The following CLCN6 variants were observed in gnomAD, a reference collection of about 807,000 sequenced individuals.
CLCN6 encodes Cl-/H+ antiporter 6.
Under a neutral mutation model 109.8 loss-of-function variants are expected in CLCN6, and 70 were observed. That is an observed-to-expected ratio of 0.64 (90% CI 0.53 to 0.78). The LOEUF is 0.78. Among genes scored for constraint, CLCN6 ranks in the 30% least tolerant of loss-of-function variants. The pLI, the probability that CLCN6 is intolerant of heterozygous loss-of-function variation, is 0.00. For synonymous variants in CLCN6, 444 were observed against 447.8 expected, an observed-to-expected ratio of 0.99 and a Z score of 0.11; for missense variants, 984 against 1,142.3, an observed-to-expected ratio of 0.86 and a Z score of 2.00.
At chr1:11,825,880 C>T (rs750654125) in intron 8 of CLCN6, among the ~76,000 whole-genome samples, 5 of 152,242 alleles carry the variant, frequency 3.3e-5, no homozygotes, top group Admixed American at 1.3e-4. Context: ...TCCGCCTCGG[C>T]CTCCCAAAGT....
rs1291176475 is a variant in CLCN6 at position 11,841,541 on chromosome 1, C to G, written c.*1318C>G. 2 of 152,276 alleles carry G rather than the reference C, an allele frequency of 1.3e-5. No homozygotes were observed. Among genetic ancestry groups the G allele is most frequent in the Non-Finnish European group, 2.9e-5 (2 of 68,060 alleles). The allele number at this position is 152,276 out of a possible 1,614,324, so 9.4% of individuals were successfully genotyped here. A position where few individuals can be genotyped will look rare whatever the true frequency, so the allele number is the denominator to read the frequency against. Reference sequence around the variant, plus strand: ...CCCACCTTCTACATGGTATTAGTCCCAGCAGGCATCCCTGGGGCAGACGTG... The same window carrying G: ...CCCACCTTCTACATGGTATTAGTCCGAGCAGGCATCCCTGGGGCAGACGTG... On this transcript the variant is annotated 3_prime_UTR_variant, in exon 23 of 23. Coordinates refer to ENST00000346436, the MANE Select transcript of CLCN6 (RefSeq NM_001286.5).
Position 11,828,172 on chromosome 1 carries a change from T to C in CLCN6, c.907T>C (p.Trp303Arg). ...CCGTTCTGGGATTCAGTTTGGAAGC[T>C]GGGGTTCCTTCCAGCTCCCTGGATT... ...FFRSGIQFGS[W>R]GSFQLPGLLN... The change falls in exon 11 of 23, where the codon TGG (tryptophan) becomes CGG (arginine). Residue 303 changes from tryptophan (W) to arginine (R), a missense_variant. Coordinates refer to ENST00000346436, the MANE Select transcript of CLCN6 (RefSeq NM_001286.5). 2 of 1,614,242 alleles carry C rather than the reference T, an allele frequency of 1.2e-6. No homozygotes were observed. The highest frequency in any genetic ancestry group is 1.7e-6 in the Non-Finnish European group (2 of 1,180,034).
Position 11,837,167 on chromosome 1 carries a change from G to C in CLCN6, c.2138+11G>C, listed in dbSNP as rs1644960922. On this transcript the variant is annotated intron_variant, in intron 19 of 22. Coordinates refer to ENST00000346436, the MANE Select transcript of CLCN6 (RefSeq NM_001286.5). ...GATGCTGGAAAGGAGGTGAGAGCCT[G>C]GCGGGGCCCCCACTGCCCGCAGGGC... 6.2e-7 allele frequency: 1 copy of C among 1,611,286 alleles called. No homozygotes were observed. The highest frequency in any genetic ancestry group is 1.3e-5 in the African/African-American group (1 of 74,914).
intron 2 of CLCN6, 21 bp from the exon 3 acceptor site, chr1:11,815,825 C>A: frequency 6.2e-7 from 1 of 1,608,956 alleles, no homozygotes; most frequent in Non-Finnish European, 8.5e-7. Flanking sequence ...GACCTTTTGA[C>A]TCAACTTTGC....
rs773792256 is a variant in CLCN6 at position 11,837,117 on chromosome 1, C to G, written c.2099C>G (p.Ala700Gly). ...CDEHIASEEP[A>G]EKEDLLQQML... ...GAGCACATCGCCTCTGAGGAGCCAG[C>G]CGAGAAGGAGGACCTCCTGCAGCAG... The change falls in exon 19 of 23, where the codon GCC becomes GGC. Residue 700 changes from alanine to glycine, a missense_variant. Coordinates refer to ENST00000346436, the MANE Select transcript of CLCN6 (RefSeq NM_001286.5). 2 of 1,613,172 alleles carry G rather than the reference C, an allele frequency of 1.2e-6. No individual in the cohort carries two copies. Among genetic ancestry groups the G allele is most frequent in the East Asian group, 4.5e-5 (2 of 44,882 alleles).
intron 9 of CLCN6, 130 bp downstream of exon 9, chr1:11,826,344 C>G (rs561744608): frequency 1.4e-6 from 1 of 722,644 alleles, no homozygotes; most frequent in South Asian, 1.7e-5. Context: ...AGGGGGCGGG[C>G]TTTGAACTTT....
chr1:11,828,065 C>A, intron 10 of CLCN6, 41 bp from the exon 11 acceptor site: 1 of 1,445,562 alleles, frequency 6.9e-7, no homozygotes, highest in Non-Finnish European at 9.7e-7. Flanking sequence ...GTAGGACATG[C>A]CACTCCTGAA....
At chr1:11,837,305 G>A (rs966680065) in intron 19 of CLCN6, 38 bp from the exon 20 acceptor site, 2 of 1,598,766 alleles carry the variant, frequency 1.3e-6, no homozygotes, top group Non-Finnish European at 1.7e-6. Context: ...CGCTCCCGCT[G>A]AGGGTATCCC....
At chr1:11,816,056 T>C (rs1003444599) in intron 3 of CLCN6, 145 bp downstream of exon 3, 13 of 632,084 alleles carry the variant, frequency 2.1e-5, no homozygotes, top group African/African-American at 7.5e-5. Context: ...CTTTATGCGC[T>C]TTGCTTTATT....
intron 6 of CLCN6, among the ~76,000 whole-genome samples, chr1:11,823,119 C>G (rs1484156499): frequency 6.6e-6 from 1 of 152,192 alleles, no homozygotes; most frequent in Non-Finnish European, 1.5e-5. Context: ...CAGCATCATG[C>G]AATATACCCT....
chr1:11,833,842 C>T (rs777452754), intron 14 of CLCN6, 35 bp from the exon 15 acceptor site: 14 of 1,592,630 alleles, frequency 8.8e-6, no homozygotes, highest in African/African-American at 5.4e-5. Context: ...GGCAGGCATC[C>T]GGTAGTGGGA....
intron 2 of CLCN6, among the ~76,000 whole-genome samples, chr1:11,812,817 C>T (rs1440854000): frequency 6.6e-6 from 1 of 152,034 alleles, no homozygotes; most frequent in Admixed American, 6.6e-5. Context: ...AGGCTCTTCT[C>T]TGCCGTTCCC....
At chr1:11,836,480 TAA>T (rs1299021317) in intron 18 of CLCN6, among the ~76,000 whole-genome samples, 1 of 152,038 alleles carries the variant, frequency 6.6e-6, no homozygotes, top group Non-Finnish European at 1.5e-5. Flanking sequence ...TCGACCTCCT[TAA>T]GAAAGAGAAA....
At position 11,834,164 on chromosome 1, in the gene CLCN6, A is replaced by T; in HGVS notation, c.1527-72A>T. The T allele has an allele frequency of 6.3e-7, 1 of 1,594,946 alleles. No homozygotes were observed. Among genetic ancestry groups the T allele is most frequent in the African/African-American group, 1.4e-5 (1 of 73,988 alleles). ...CACATATGTGCATAGGCACAAGAGTATGAGCTGTAGGTCCTCCCCACAGCC... is the reference window on the plus strand; with the variant it reads ...CACATATGTGCATAGGCACAAGAGTTTGAGCTGTAGGTCCTCCCCACAGCC... On this transcript the variant is annotated intron_variant, in intron 15 of 22. Transcript: ENST00000346436. This position sits in a 1 kb window ranked among gnomAD's most constrained non-coding sequence, Gnocchi z 4.5.
intron 14 of CLCN6, 40 bp downstream of exon 14, chr1:11,833,678 G>A (rs545372779): frequency 6.2e-7 from 1 of 1,610,992 alleles, no homozygotes; most frequent in Non-Finnish European, 8.5e-7. Context: ...GGTGATTGGT[G>A]TCATCTCGGA....
At chr1:11,820,186 A>T (rs1224842144) in intron 5 of CLCN6, among the ~76,000 whole-genome samples, 1 of 152,174 alleles carries the variant, frequency 6.6e-6, no homozygotes, top group Non-Finnish European at 1.5e-5. Flanking sequence ...TAAATAAAAG[A>T]TACACATCTC....
At chr1:11,818,422 C>T (rs974059020) in intron 4 of CLCN6, among the ~76,000 whole-genome samples, 14 of 150,706 alleles carry the variant, frequency 9.3e-5, no homozygotes, top group African/African-American at 3.2e-4. Flanking sequence ...TGTAGATATT[C>T]GAAAAAAAAA....
intron 2 of CLCN6, among the ~76,000 whole-genome samples, chr1:11,812,201 T>C (rs1030034264): frequency 7.2e-5 from 11 of 152,174 alleles, no homozygotes; most frequent in African/African-American, 2.2e-4. Context: ...TTGAGTTTGG[T>C]TAACTTGCTA....
intron 8 of CLCN6, among the ~76,000 whole-genome samples, chr1:11,825,720 T>A (rs528937629): frequency 1.3e-5 from 2 of 152,218 alleles, no homozygotes; most frequent in African/African-American, 2.4e-5. Flanking sequence ...CCTCCTGGGT[T>A]CAAGCGATTC....
Sources: gnomAD v4.1 joint callset for allele counts (sites outside exome capture counted in the v4.1 genomes callset) on GRCh38, gnomAD v4.1.1 for gene constraint, Gnocchi (gnomAD v3.1) non-coding constraint, MANE v1.5 for transcripts, NCBI Gene and HGNC (gene_info 2026-07-23, HGNC 2026-07-21) for gene names.